Variants in NAXE observed in about 807,000 individuals in gnomAD.
The protein encoded by NAXE is NAD(P)H-hydrate epimerase.
A neutral mutation model predicts 31.2 loss-of-function variants in NAXE; 25 were observed. The observed-to-expected ratio is 0.80, with a 90% confidence interval of 0.58 to 1.12. The LOEUF is 1.12. NAXE is among the 50% of genes most tolerant of loss of function. The pLI is 0.00. For missense variants in NAXE, 362 were observed against 376.1 expected, an observed-to-expected ratio of 0.96 and a Z score of 0.31; for synonymous variants, 144 against 154.5, an observed-to-expected ratio of 0.93 and a Z score of 0.50.
Position 156,591,850 on chromosome 1 carries a change from G to C in NAXE, c.46G>C (p.Gly16Arg). Residue 16 changes from glycine (G) to arginine (R), a missense_variant, in exon 1 of 6, where the codon GGC (glycine) becomes CGC (arginine). By Grantham distance (125) the Gly-to-Arg change is moderately radical. Coordinates refer to ENST00000368235, the MANE Select transcript of NAXE (RefSeq NM_144772.3). ...ALLGLGLLVAGSRVPRIKSQT... is the reference protein window; with the variant it reads ...ALLGLGLLVARSRVPRIKSQT... ...GCTGGGCCTCGGGCTGCTGGTTGCG[G>C]GCTCGCGCGTGCCGCGGATCAAAAG... 2 of 1,610,498 alleles carry C rather than the reference G, an allele frequency of 1.2e-6. No individual in the cohort carries two copies. Among genetic ancestry groups the C allele is most frequent in the Non-Finnish European group, 1.7e-6 (2 of 1,179,404 alleles).
Position 156,592,392 on chromosome 1 carries a change from A to G in NAXE, c.319A>G (p.Ser107Gly), listed in dbSNP as rs765137904. ...ATATCCCCCCACGTCCATGTCCAGG[A>G]GCCCCCCTACTGTCCTGGTCATCTG... Reference protein sequence around the residue: ...KAYPPTSMSRSPPTVLVICGP... With the variant: ...KAYPPTSMSRGPPTVLVICGP... Residue 107 changes from serine to glycine, a missense_variant, in exon 3 of 6, where the codon AGC (serine) becomes GGC (glycine). By Grantham distance (56) the Ser-to-Gly change is moderately conservative. Coordinates refer to ENST00000368235, the MANE Select transcript of NAXE (RefSeq NM_144772.3). 5.4e-5 allele frequency: 87 copies of G among 1,613,938 alleles called. No individual in the cohort carries two copies. Among genetic ancestry groups the G allele is most frequent in the Non-Finnish European group, 7.4e-5 (87 of 1,180,008 alleles).
chr1:156,592,101 C>G lies in NAXE; in HGVS notation c.183C>G (p.Ser61Arg). 1.2e-6 allele frequency: 2 copies of G among 1,614,226 alleles called. No homozygotes were observed. Among genetic ancestry groups the G allele is most frequent in the Non-Finnish European group, 1.7e-6 (2 of 1,180,032 alleles). The part of the protein sequence containing the change: ...VMASTVVKYL[S>R]QEEAQAVDQE... The stretch of plus-strand genomic sequence containing the variant: ...GACTCAGGCCGCGGGTTTTCCTCAG[C>G]CAGGAGGAGGCCCAGGCCGTGGACC... The change falls in exon 2 of 6, where the codon AGC becomes AGG. Residue 61 changes from serine to arginine, a missense_variant and splice_region_variant. Transcript: ENST00000368235.
At position 156,593,911 on chromosome 1, in the gene NAXE, G is replaced by A. The variant is rs1488209365; in HGVS notation, c.694G>A (p.Gly232Arg). 1 of 1,613,994 alleles carries A rather than the reference G, an allele frequency of 6.2e-7. No homozygotes were observed. Among genetic ancestry groups the A allele is most frequent in the African/African-American group, 1.3e-5 (1 of 74,884 alleles). ...GWDVEKGNAG[G>R]IQPDLLISLT... ...GGACGTGGAGAAGGGAAATGCTGGA[G>A]GGATCCAGCCAGACTTGCTCATATC... The change falls in exon 6 of 6, where the codon GGG becomes AGG. Residue 232 changes from glycine (G) to arginine (R), a missense_variant. Coordinates refer to ENST00000368235, the MANE Select transcript of NAXE (RefSeq NM_144772.3).
chr1:156,592,290 T>G, intron 2 of NAXE, 75 bp from the exon 3 acceptor site: 1 of 1,602,486 alleles, frequency 6.2e-7, no homozygotes, highest in Non-Finnish European at 8.5e-7. Flanking sequence ...CACAAAGGGG[T>G]GGGAGAGACA....
rs942959 is a variant in NAXE at position 156,592,351 on chromosome 1, G to A, written c.292-14G>A. 0.96 allele frequency: 1,553,880 copies of A among 1,613,354 alleles called. 748,972 individuals are homozygous for A. Among genetic ancestry groups the A allele is most frequent in the East Asian group, 0.98 (43,891 of 44,856 alleles). On this transcript the variant is annotated splice_polypyrimidine_tract_variant and intron_variant, in intron 2 of 5. Coordinates refer to ENST00000368235, the MANE Select transcript of NAXE (RefSeq NM_144772.3). ...CCTGAAACCCCGCCGAACCACCCTT[G>A]ACTCTGCCTTCAGGCATATCCCCCC... is the stretch of plus-strand genomic sequence containing the variant.
chr1:156,592,338 C>T (rs1212352002), intron 2 of NAXE, 27 bp from the exon 3 acceptor site: 1 of 1,611,502 alleles, frequency 6.2e-7, no homozygotes, highest in African/African-American at 1.3e-5. Context: ...TGAAACCCCG[C>T]CGAACCACCC....
At position 156,594,205 on chromosome 1, in the gene NAXE, C is replaced by G; in HGVS notation, c.*121C>G. ...TGAATGGTGGAAGTCAGAGACCAAC[C>G]CTGGGGATTGGGTGCCATCTCTCTA... On this transcript the variant is annotated 3_prime_UTR_variant, in exon 6 of 6. Transcript: ENST00000368235. 2 of 988,086 alleles carry G rather than the reference C, an allele frequency of 2.0e-6. No individual in the cohort carries two copies. The highest frequency in any genetic ancestry group is 2.6e-5 in the East Asian group (1 of 38,900). 61.2% of individuals were successfully genotyped at this position (988,086 alleles called of 1,614,324 possible). A position where few individuals can be genotyped will look rare whatever the true frequency, so the allele number is the denominator to read the frequency against.
At chr1:156,593,335 G>A in intron 4 of NAXE, 73 bp from the exon 5 acceptor site, 2 of 1,542,644 alleles carry the variant, frequency 1.3e-6, no homozygotes, top group South Asian at 2.5e-5. Flanking sequence ...TGCAGGTGCA[G>A]AGGACAGCCC....
chr1:156,591,795 T>C lies in NAXE; in HGVS notation c.-10T>C. On this transcript the variant is annotated 5_prime_UTR_variant, in exon 1 of 6. Transcript: ENST00000368235. ...CGGGCCGGGCCGGGGGCGCGCGCTCTGCGAGCTGGATGTCCAGGCTGCGGG... is the reference window on the plus strand; with the variant it reads ...CGGGCCGGGCCGGGGGCGCGCGCTCCGCGAGCTGGATGTCCAGGCTGCGGG... The C allele has an allele frequency of 6.6e-7, 1 of 1,520,998 alleles. No individual in the cohort carries two copies. The highest frequency in any genetic ancestry group is 8.7e-7 in the Non-Finnish European group (1 of 1,143,968). 94.2% of individuals were successfully genotyped at this position (1,520,998 alleles called of 1,614,324 possible).
chr1:156,592,692 C>A (rs751648649), intron 4 of NAXE, 22 bp downstream of exon 4: 6 of 1,578,478 alleles, frequency 3.8e-6, no homozygotes, highest in Non-Finnish European at 5.2e-6. Flanking sequence ...CAGTTGAATA[C>A]CTCCATCCTA....
intron 5 of NAXE, 157 bp from the exon 6 acceptor site, chr1:156,593,725 T>G: frequency 7.6e-7 from 1 of 1,321,852 alleles, no homozygotes; most frequent in South Asian, 1.4e-5. Context: ...GTTGGCCCCA[T>G]GAAGAGACCA....
In NAXE at chr1:156,594,246, G is replaced by A; in HGVS notation, c.*162G>A. On this transcript the variant is annotated 3_prime_UTR_variant, in exon 6 of 6. Transcript: ENST00000368235. Reference sequence around the variant, plus strand: ...CATCTCTCTAGGGGTAACACAAAGGGCAAGAGGTTGCTATGGTATTTGGAA... The same window carrying A: ...CATCTCTCTAGGGGTAACACAAAGGACAAGAGGTTGCTATGGTATTTGGAA... The A allele has an allele frequency of 1.5e-6, 1 of 664,868 alleles. No individual in the cohort carries two copies. The highest frequency in any genetic ancestry group is 2.5e-6 in the Non-Finnish European group (1 of 392,574). The allele number at this position is 664,868 out of a possible 1,614,324, so 41.2% of individuals were successfully genotyped here.
rs1163560075 is a variant in NAXE at position 156,591,799 on chromosome 1, A to C, written c.-6A>C. The C allele has an allele frequency of 1.9e-6, 3 of 1,561,278 alleles. No homozygotes were observed. Among genetic ancestry groups the C allele is most frequent in the Non-Finnish European group, 2.6e-6 (3 of 1,162,530 alleles). The stretch of plus-strand genomic sequence containing the variant: ...CCGGGCCGGGGGCGCGCGCTCTGCG[A>C]GCTGGATGTCCAGGCTGCGGGCGCT... On this transcript the variant is annotated 5_prime_UTR_variant, in exon 1 of 6. Transcript: ENST00000368235.
At position 156,592,548 on chromosome 1, in the gene NAXE, T is replaced by C. The variant is rs769088427; in HGVS notation, c.403-9T>C. The C allele has an allele frequency of 6.2e-7, 1 of 1,613,928 alleles. No homozygotes were observed. The highest frequency in any genetic ancestry group is 1.1e-5 in the South Asian group (1 of 91,074). On this transcript the variant is annotated splice_polypyrimidine_tract_variant and intron_variant, in intron 3 of 5. Transcript: ENST00000368235. ...GGGATCTGGGGTTGAATTACCACTT[T>C]CTTCCTAGGGCTACGAGCCAACCAT...
In NAXE at chr1:156,591,863, C is replaced by T. The variant is rs769744746; in HGVS notation, c.59C>T (p.Pro20Leu). Residue 20 changes from proline (P) to leucine (L), a missense_variant, in exon 1 of 6, where the codon CCG (proline) becomes CTG (leucine). Pro to Leu is a moderately conservative substitution (Grantham distance 98). Coordinates refer to ENST00000368235, the MANE Select transcript of NAXE (RefSeq NM_144772.3). ...LGLLVAGSRV[P>L]RIKSQTIACR... ...CTGCTGGTTGCGGGCTCGCGCGTGC[C>T]GCGGATCAAAAGCCAGACCATCGCC... 1 of 1,611,718 alleles carries T rather than the reference C, an allele frequency of 6.2e-7. No individual in the cohort carries two copies. Among genetic ancestry groups the T allele is most frequent in the Middle Eastern group, 1.7e-4 (1 of 5,978 alleles).
rs771425844 is a variant in NAXE at position 156,593,923 on chromosome 1, G to C, written c.706G>C (p.Asp236His). Residue 236 changes from aspartate (D) to histidine (H), a missense_variant, in exon 6 of 6, where the codon GAC becomes CAC. By Grantham distance (81) the Asp-to-His change is moderately conservative (BLOSUM62 -1). Transcript: ENST00000368235. ...EKGNAGGIQP[D>H]LLISLTAPKK... is the part of the protein sequence containing the mutation. Reference sequence around the variant, plus strand: ...GGGAAATGCTGGAGGGATCCAGCCAGACTTGCTCATATCCCTCACAGCCCC... The same window carrying C: ...GGGAAATGCTGGAGGGATCCAGCCACACTTGCTCATATCCCTCACAGCCCC... The C allele has an allele frequency of 3.1e-6, 5 of 1,614,166 alleles. No homozygotes were observed. The South Asian group carries it at 5.5e-5, about 18-fold the overall frequency.
At position 156,593,479 on chromosome 1, in the gene NAXE, T is replaced by G; in HGVS notation, c.588T>G (p.Val196=). Residue 196 remains valine (V), a synonymous_variant, in exon 5 of 6, where the codon GTT becomes GTG. Transcript: ENST00000368235. ...AIFGFSFKGD[V]REPFHSILSV... ...TTGGCTTCAGCTTCAAGGGCGATGT[T>G]CGGGAACCGTTCCACAGCATCCTGA... 1 of 1,614,154 alleles carries G rather than the reference T, an allele frequency of 6.2e-7. No homozygotes were observed. The highest frequency in any genetic ancestry group is 8.5e-7 in the Non-Finnish European group (1 of 1,180,016).
chr1:156,592,155 C>T lies in NAXE; in HGVS notation c.237C>T (p.Ser79=), dbSNP rs745718266. Residue 79 remains serine (S), a synonymous_variant, in exon 2 of 6, where the codon AGC becomes AGT. Coordinates refer to ENST00000368235, the MANE Select transcript of NAXE (RefSeq NM_144772.3). ...AGCTATTTAACGAATACCAGTTCAG[C>T]GTGGACCAACTTATGGAACTGGCCG... The part of the protein sequence containing the change: ...DQELFNEYQF[S]VDQLMELAGL... 2 of 1,614,212 alleles carry T rather than the reference C, an allele frequency of 1.2e-6. No homozygotes were observed. The highest frequency in any genetic ancestry group is 1.1e-5 in the South Asian group (1 of 91,082).
chr1:156,591,823 C>G lies in NAXE; in HGVS notation c.19C>G (p.Leu7Val). Residue 7 changes from leucine to valine, a missense_variant, in exon 1 of 6, where the codon CTG becomes GTG. Coordinates refer to ENST00000368235, the MANE Select transcript of NAXE (RefSeq NM_144772.3). ...GAGCTGGATGTCCAGGCTGCGGGCG[C>G]TGCTGGGCCTCGGGCTGCTGGTTGC... MSRLRA[L>V]LGLGLLVAGS... 1 of 1,604,234 alleles carries G rather than the reference C, an allele frequency of 6.2e-7. No individual in the cohort carries two copies. Among genetic ancestry groups the G allele is most frequent in the Non-Finnish European group, 8.5e-7 (1 of 1,178,218 alleles).
Sources: allele counts gnomAD v4.1 joint callset, GRCh38; gene constraint gnomAD v4.1.1; transcripts MANE v1.5; gene names NCBI Gene and HGNC (gene_info 2026-07-23, HGNC 2026-07-21).